The following POLI variants were observed in gnomAD, a reference collection of about 807,000 sequenced individuals.
POLI encodes the protein RAD30 homolog B.
POLI carries 58 observed loss-of-function variants against 51.6 expected under a neutral mutation model. The ratio of observed to expected loss-of-function variants is 1.12; its 90% CI spans 0.91 to 1.40. The LOEUF (loss-of-function observed/expected upper bound fraction) is 1.40, where lower values mean the gene tolerates loss of function less well. POLI is among the 40% of genes most tolerant of loss of function. The pLI is 0.00. For missense variants in POLI, 921 were observed against 871.3 expected, an observed-to-expected ratio of 1.06 and a Z score of -0.72; for synonymous variants, 322 against 299.7, an observed-to-expected ratio of 1.07 and a Z score of -0.77.
rs1166978948 is a variant in POLI at position 54,287,467 on chromosome 18, A to G, written c.1198+56A>G. 3.0e-6 allele frequency: 4 copies of G among 1,354,356 alleles called. No individual in the cohort carries two copies. The East Asian group carries it at 9.5e-5, about 32-fold the overall frequency. The allele number at this position is 1,354,356 out of a possible 1,614,324, so 83.9% of individuals were successfully genotyped here. On this transcript the variant is annotated intron_variant, in intron 8 of 9. Coordinates refer to ENST00000579534, the MANE Select transcript of POLI (RefSeq NM_007195.3). The stretch of plus-strand genomic sequence containing the variant: ...GCAGGTTGAACTCTTAAATAAGCCA[A>G]CTTTGAATGAGAAATATGCTCCAAA...
intron 3 of POLI, among the ~76,000 whole-genome samples, chr18:54,310,249 G>C (rs2088652932): frequency 1.3e-5 from 2 of 152,134 alleles, no homozygotes; most frequent in South Asian, 4.1e-4. Flanking sequence ...TTATTTTTAT[G>C]GTTGGATTAT....
In POLI at chr18:54,282,582, G is replaced by A. The variant is rs3730743; in HGVS notation, c.797-255G>A. Among the ~76,000 whole-genome samples the A allele has an allele frequency of 2.2e-3, 327 of 152,054 alleles. 1 individual carries two copies. Among genetic ancestry groups the A allele is most frequent in the African/African-American group, 7.5e-3 (311 of 41,466 alleles). ...ATTATTATTGTTAATCTCTTACTGT[G>A]CCTAATTTATAAATTAAACTTTATC... On this transcript the variant is annotated intron_variant, in intron 5 of 9. Transcript: ENST00000579534.
chr18:54,289,091 T>C (rs1352465405), intron 8 of POLI, among the ~76,000 whole-genome samples: 1 of 152,030 alleles, frequency 6.6e-6, no homozygotes, highest in African/African-American at 2.4e-5. Flanking sequence ...TCTTGTAGGG[T>C]TTTTTCTTTT....
intron 3 of POLI, among the ~76,000 whole-genome samples, chr18:54,303,904 C>T (rs2088534652): frequency 6.6e-6 from 1 of 151,502 alleles, no homozygotes; most frequent in African/African-American, 2.4e-5. Context: ...TAATGCTATC[C>T]CTCCCCCATC....
Position 54,297,977 on chromosome 18 carries a change from T to G in POLI, c.*3510T>G. 1 of 981,022 alleles carries G rather than the reference T, an allele frequency of 1.0e-6. No homozygotes were observed. The highest frequency in any genetic ancestry group is 1.2e-6 in the Non-Finnish European group (1 of 825,910). 60.8% of individuals were successfully genotyped at this position (981,022 alleles called of 1,614,324 possible). On this transcript the variant is annotated 3_prime_UTR_variant, in exon 10 of 10. Transcript: ENST00000579534. The stretch of plus-strand genomic sequence containing the variant: ...GATTTAGAACTGACATCTCTTGAGC[T>G]GTTCTAAGATAATATCTTTTACTTT...
intron 3 of POLI, among the ~76,000 whole-genome samples, chr18:54,306,427 A>T (rs537165551): frequency 6.6e-6 from 1 of 152,314 alleles, no homozygotes; most frequent in East Asian, 1.9e-4. Context: ...GATGAAGCCC[A>T]CTTGATCGTG....
intron 8 of POLI, among the ~76,000 whole-genome samples, chr18:54,288,119 A>C (rs1470247420): frequency 2.0e-5 from 3 of 152,216 alleles, no homozygotes; most frequent in Non-Finnish European, 4.4e-5. Context: ...ACTTTTTTCC[A>C]AAGTTTGTGT....
rs2087567654 is a variant in POLI, at chr18:54,282,825, C to T, written c.797-12C>T. 6.9e-7 allele frequency: 1 copy of T among 1,454,884 alleles called. No individual in the cohort carries two copies. Among genetic ancestry groups the T allele is most frequent in the Non-Finnish European group, 9.3e-7 (1 of 1,069,664 alleles). 90.1% of individuals were successfully genotyped at this position (1,454,884 alleles called of 1,614,324 possible). On this transcript the variant is annotated splice_polypyrimidine_tract_variant and intron_variant, in intron 5 of 9. Transcript: ENST00000579534. ...AGCTATTTTAACATTGTATGCATTT[C>T]TTTTTATTTAGGTATTGGCTATAAA...
chr18:54,296,876 T>A lies in POLI; in HGVS notation c.*2409T>A. 1 of 852,576 alleles carries A rather than the reference T, an allele frequency of 1.2e-6. No individual in the cohort carries two copies. Among genetic ancestry groups the A allele is most frequent in the Non-Finnish European group, 1.4e-6 (1 of 709,714 alleles). 52.8% of individuals were successfully genotyped at this position (852,576 alleles called of 1,614,324 possible). On this transcript the variant is annotated 3_prime_UTR_variant, in exon 10 of 10. Coordinates refer to ENST00000579534, the MANE Select transcript of POLI (RefSeq NM_007195.3). ...TTTTTAAAAGTCAAATATATGATAT[T>A]TTTGATAATTTCAATATTTTAAGTC...
intron 3 of POLI, chr18:54,275,102 C>T (rs1456228364): frequency 6.6e-6 from 1 of 152,178 alleles, no homozygotes; most frequent in South Asian, 2.1e-4. Flanking sequence ...AGAACACTTA[C>T]TGAGTTTAAA....
At chr18:54,278,666 A>G (rs561985941) in intron 4 of POLI, among the ~76,000 whole-genome samples, 19 of 152,350 alleles carry the variant, frequency 1.2e-4, no homozygotes, top group African/African-American at 4.3e-4. Context: ...TCTCCTTCAT[A>G]TATTGAGATA....
chr18:54,314,172 T>C (rs1001037708), intron 3 of POLI, among the ~76,000 whole-genome samples: 10 of 152,166 alleles, frequency 6.6e-5, no homozygotes, highest in Non-Finnish European at 1.3e-4. Flanking sequence ...ATGTTGAATT[T>C]TGTCAAAAGC....
At chr18:54,284,057 CT>C in intron 7 of POLI, 44 bp downstream of exon 7, 1 of 706,086 alleles carries the variant, frequency 1.4e-6, no homozygotes, top group Admixed American at 2.7e-5. Flanking sequence ...TGTATTCATT[CT>C]ATATACGGTA....
Position 54,295,894 on chromosome 18 carries a change from T to C in POLI, c.*1427T>C. Reference sequence around the variant, plus strand: ...CCTCCACCTTGGCCTCCCAAAGTGCTGGGATTACAGGTGTGAGCCATTGCT... The same window carrying C: ...CCTCCACCTTGGCCTCCCAAAGTGCCGGGATTACAGGTGTGAGCCATTGCT... On this transcript the variant is annotated 3_prime_UTR_variant, in exon 10 of 10. Transcript: ENST00000579534. 1.1e-6 allele frequency: 1 copy of C among 932,244 alleles called. No individual in the cohort carries two copies. The highest frequency in any genetic ancestry group is 1.3e-6 in the Non-Finnish European group (1 of 781,464). 57.7% of individuals were successfully genotyped at this position (932,244 alleles called of 1,614,324 possible).
At chr18:54,291,354 C>T (rs2088004133) in intron 8 of POLI, 1 of 152,590 alleles carries the variant, frequency 6.6e-6, no homozygotes, top group South Asian at 2.1e-4. Context: ...CCCACTGCCT[C>T]AAATCAGGTC....
At chr18:54,315,120 T>G (rs1484216425) in intron 3 of POLI, among the ~76,000 whole-genome samples, 1 of 152,156 alleles carries the variant, frequency 6.6e-6, no homozygotes, top group South Asian at 2.1e-4. Context: ...TTTACTCTTA[T>G]GACATTGCTT....
intron 3 of POLI, among the ~76,000 whole-genome samples, chr18:54,316,992 G>C (rs1049476830): frequency 6.6e-6 from 1 of 152,036 alleles, no homozygotes; most frequent in African/African-American, 2.4e-5. Context: ...TCCAGCTTTT[G>C]GTTATACTAT....
chr18:54,305,317 A>G (rs914782457), intron 3 of POLI, among the ~76,000 whole-genome samples: 1 of 152,156 alleles, frequency 6.6e-6, no homozygotes, highest in African/African-American at 2.4e-5. Flanking sequence ...TGGTAGCTTG[A>G]TGGGGATGGC....
At chr18:54,284,423 C>G (rs796934354) in intron 7 of POLI, among the ~76,000 whole-genome samples, 1 of 152,278 alleles carries the variant, frequency 6.6e-6, no homozygotes, top group African/African-American at 2.4e-5. Flanking sequence ...TAGTACCATG[C>G]TAAATACAAA....
Sources: allele counts gnomAD v4.1 joint callset (sites outside exome capture counted in the v4.1 genomes callset), GRCh38; gene constraint gnomAD v4.1.1; transcripts MANE v1.5; gene names NCBI Gene and HGNC (gene_info 2026-07-23, HGNC 2026-07-21).